Variants in SIK2 observed in about 807,000 individuals in gnomAD.
SIK2 encodes salt inducible kinase 2.
In SIK2, 29 loss-of-function variants were observed where a neutral mutation model predicts 103.2. The ratio of observed to expected loss-of-function variants is 0.28; its 90% CI spans 0.21 to 0.38. The LOEUF (loss-of-function observed/expected upper bound fraction) is 0.38. Ranked by LOEUF, SIK2 falls within the 10% of genes least tolerant of loss-of-function variation. SIK2 has a pLI of 1.00. For synonymous variants in SIK2, 412 were observed against 446.1 expected (o/e 0.92, Z 0.96); for missense variants, 879 against 1,171.0 (o/e 0.75, Z 3.64).
chr11:111,705,167 T>A lies in SIK2; in HGVS notation c.1101+28T>A, dbSNP rs750688072. ...AATGCCCCCTTAGCTGAGAGTCTTA[T>A]CTGTGCATGTGCCTGTTCACATGTT... On this transcript the variant is annotated intron_variant, in intron 8 of 14. Transcript: ENST00000304987. This position sits in a 1 kb window ranked among gnomAD's most constrained non-coding sequence, Gnocchi z 4.3. The A allele has an allele frequency of 2.0e-6, 3 of 1,536,088 alleles. No homozygotes were observed. In the African/African-American group the frequency reaches 4.3e-5, roughly 22 times the overall value.
intron 3 of SIK2, among the ~76,000 whole-genome samples, chr11:111,680,044 C>A (rs1942756943): frequency 6.6e-6 from 1 of 151,844 alleles, no homozygotes; most frequent in African/African-American, 2.4e-5. Context: ...ATCATTTGAA[C>A]CCGGGAGGCG....
chr11:111,684,165 T>C (rs1344220782), intron 3 of SIK2, among the ~76,000 whole-genome samples: 1 of 152,238 alleles, frequency 6.6e-6, no homozygotes, highest in Non-Finnish European at 1.5e-5. Flanking sequence ...TACAATGCCT[T>C]TGTTTTTCAG....
chr11:111,662,528 C>T (rs1591605743), intron 3 of SIK2, among the ~76,000 whole-genome samples: 1 of 152,098 alleles, frequency 6.6e-6, no homozygotes, highest in East Asian at 1.9e-4. Context: ...GTGGGTGGAT[C>T]GCTTGAGCCG....
At chr11:111,622,086 A>G (rs1306629591) in intron 3 of SIK2, among the ~76,000 whole-genome samples, 1 of 152,018 alleles carries the variant, frequency 6.6e-6, no homozygotes, top group Non-Finnish European at 1.5e-5. Flanking sequence ...ATTATCTATC[A>G]GTGTAGCTAC....
chr11:111,704,672 A>G (rs1034981072), intron 7 of SIK2, among the ~76,000 whole-genome samples: 1 of 152,210 alleles, frequency 6.6e-6, no homozygotes, highest in Non-Finnish European at 1.5e-5. Flanking sequence ...ATGGGGCCAT[A>G]TGGCAGCATT....
In SIK2 at chr11:111,729,162, A is replaced by G. The variant is rs1944095975; in HGVS notation, c.*5033A>G. The G allele has an allele frequency of 6.6e-6, 1 of 152,206 alleles. No individual in the cohort carries two copies. Among genetic ancestry groups the G allele is most frequent in the Admixed American group, 6.5e-5 (1 of 15,268 alleles). 9.4% of individuals were successfully genotyped at this position (152,206 alleles called of 1,614,324 possible). A position where few individuals can be genotyped will look rare whatever the true frequency, so the allele number is the denominator to read the frequency against. ...TTACCATTTTTGTCCTAATTAAGGT[A>G]GCCTAGCTGATTCTAGAAGACAGCC... On this transcript the variant is annotated 3_prime_UTR_variant, in exon 15 of 15. Coordinates refer to ENST00000304987, the MANE Select transcript of SIK2 (RefSeq NM_015191.3).
chr11:111,659,286 A>G (rs1942437430), intron 3 of SIK2, among the ~76,000 whole-genome samples: 1 of 152,106 alleles, frequency 6.6e-6, no homozygotes. Flanking sequence ...AATTTGCAAT[A>G]TTAGTCTGAT....
At chr11:111,610,856 A>C (rs1941714228) in intron 1 of SIK2, among the ~76,000 whole-genome samples, 1 of 152,238 alleles carries the variant, frequency 6.6e-6, no homozygotes, top group Non-Finnish European at 1.5e-5. Flanking sequence ...AAAATTGCAC[A>C]GAAAAGTACA....
intron 8 of SIK2, among the ~76,000 whole-genome samples, chr11:111,707,130 C>T (rs544325428): frequency 3.9e-5 from 6 of 152,040 alleles, no homozygotes; most frequent in Non-Finnish European, 5.9e-5. Context: ...ACATGTAAGA[C>T]GTAGTGGAAC....
At chr11:111,629,997 A>G (rs1942016343) in intron 3 of SIK2, among the ~76,000 whole-genome samples, 1 of 152,226 alleles carries the variant, frequency 6.6e-6, no homozygotes, top group Non-Finnish European at 1.5e-5. Context: ...ACAAGTGTCC[A>G]TAAAACGATT....
intron 1 of SIK2, among the ~76,000 whole-genome samples, chr11:111,606,457 AAATT>A (rs1296731020): frequency 1.3e-5 from 2 of 152,018 alleles, no homozygotes; most frequent in Non-Finnish European, 2.9e-5. Context: ...ACATATATAT[AAATT>A]ATGTTCTTTT....
At chr11:111,671,611 ATGCTGTCCATGTCCAGGGAGCAGC>A (rs1942628516) in intron 3 of SIK2, 2 of 339,970 alleles carry the variant, frequency 5.9e-6, no homozygotes, top group Non-Finnish European at 1.1e-5. Context: ...CTTGGTGATG[ATGCTGTCCATGTCCAGGGAGCAGC>A]TGTTGTCCAT....
chr11:111,652,748 C>T (rs1942343615), intron 3 of SIK2, among the ~76,000 whole-genome samples: 1 of 152,116 alleles, frequency 6.6e-6, no homozygotes, highest in Admixed American at 6.5e-5. Flanking sequence ...TCATTTAACC[C>T]TCACATAGGT....
chr11:111,703,756 A>G (rs1236240301), intron 7 of SIK2, among the ~76,000 whole-genome samples: 2 of 152,158 alleles, frequency 1.3e-5, no homozygotes, highest in African/African-American at 2.4e-5. Context: ...GTTTGTATGG[A>G]ATGTAAATGT....
intron 4 of SIK2, among the ~76,000 whole-genome samples, chr11:111,692,369 A>G (rs922766468): frequency 7.6e-6 from 1 of 131,932 alleles, no homozygotes; most frequent in Non-Finnish European, 1.7e-5. Flanking sequence ...AAAAAAAAAA[A>G]AAAAAAAAAA....
intron 3 of SIK2, among the ~76,000 whole-genome samples, chr11:111,638,812 C>T (rs1942143689): frequency 6.6e-6 from 1 of 151,824 alleles, no homozygotes; most frequent in South Asian, 2.1e-4. Context: ...TTCTGTTGTC[C>T]TTCTCCTGCT....
In SIK2 at chr11:111,688,995, G is replaced by GAGTCAGGGAAGCTTCACAA. The variant is rs1293587021; in HGVS notation, c.478+836_478+854dup. Among the ~76,000 whole-genome samples the GAGTCAGGGAAGCTTCACAA allele has an allele frequency of 6.6e-6, 1 of 152,208 alleles. No homozygotes were observed. Among genetic ancestry groups the GAGTCAGGGAAGCTTCACAA allele is most frequent in the Non-Finnish European group, 1.5e-5 (1 of 68,040 alleles). ...TGAGGGAACAAGCAGTCTACCTGAAGAGTCAGGGAAGCTTCACAAAGAAGG... is the reference window on the plus strand; with the variant it reads ...TGAGGGAACAAGCAGTCTACCTGAAGAGTCAGGGAAGCTTCACAAAGTCAGGGAAGCTTCACAAAGAAGG... On this transcript the variant is annotated intron_variant, in intron 4 of 14. Transcript: ENST00000304987. This position sits in a 1 kb window ranked among gnomAD's most constrained non-coding sequence, Gnocchi z 4.2.
At chr11:111,658,760 G>A (rs1417189571) in intron 3 of SIK2, among the ~76,000 whole-genome samples, 2 of 151,812 alleles carry the variant, frequency 1.3e-5, no homozygotes, top group East Asian at 1.9e-4. Context: ...AGAAGAAGAA[G>A]AAGAATTAGG....
intron 1 of SIK2, among the ~76,000 whole-genome samples, chr11:111,604,934 T>C (rs1941629039): frequency 6.6e-6 from 1 of 151,096 alleles, no homozygotes; most frequent in Admixed American, 6.7e-5. Flanking sequence ...TCTCTGGATC[T>C]CTAGGTTGTA....
Sources: gnomAD v4.1 joint callset for allele counts (sites outside exome capture counted in the v4.1 genomes callset) on GRCh38, gnomAD v4.1.1 for gene constraint, Gnocchi (gnomAD v3.1) non-coding constraint, MANE v1.5 for transcripts, NCBI Gene and HGNC (gene_info 2026-07-23, HGNC 2026-07-21) for gene names.